Variants in ICA1L observed in about 807,000 individuals in gnomAD.
The protein encoded by ICA1L is islet cell autoantigen 1 like.
ICA1L carries 50 observed loss-of-function variants against 61.3 expected under a neutral mutation model. The observed-to-expected ratio is 0.82, with a 90% CI of 0.65 to 1.03. ICA1L has a LOEUF of 1.03. Among genes scored for constraint, ICA1L ranks in the 50% least tolerant of loss-of-function variants. The pLI is 0.00. For synonymous variants in ICA1L, 161 were observed against 191.3 expected, an observed-to-expected ratio of 0.84 and a Z score of 1.31; for missense variants, 508 against 556.7, an observed-to-expected ratio of 0.91 and a Z score of 0.88.
rs757622471 is a variant in ICA1L, at chr2:202,819,684, G to A, written c.558+17C>T. The A allele has an allele frequency of 6.4e-7, 1 of 1,573,408 alleles. No homozygotes were observed. Among genetic ancestry groups the A allele is most frequent in the East Asian group, 2.2e-5 (1 of 44,656 alleles). ...TATTTCATACACCAAGAAAAGGAAA[G>A]GGATACGTTTTCATACTTTTCTAAA... On this transcript the variant is annotated intron_variant, in intron 5 of 12. Transcript: ENST00000358299.
rs187950123 is a variant in ICA1L at position 202,842,241 on chromosome 2, T to C, written c.-7-13225A>G. Among the ~76,000 whole-genome samples the C allele has an allele frequency of 2.0e-5, 3 of 152,358 alleles. No individual in the cohort carries two copies. The East Asian group carries it at 5.8e-4, about 29-fold the overall frequency. ...ATACTATTATTCTAAATTTGTGTAA[T>C]TGTACCAATGAGTTTTATACTTTTA... is the stretch of plus-strand genomic sequence containing the variant. On this transcript the variant is annotated intron_variant, in intron 1 of 12. Coordinates refer to ENST00000358299, the MANE Select transcript of ICA1L (RefSeq NM_001288622.3).
chr2:202,783,792 A>C (rs1385619408), intron 12 of ICA1L, among the ~76,000 whole-genome samples: 1 of 152,164 alleles, frequency 6.6e-6, no homozygotes, highest in African/African-American at 2.4e-5. Context: ...AATTATGTAA[A>C]AGAATGTCCT....
At chr2:202,805,298 ATAAAT>A (rs1257019623) in intron 9 of ICA1L, among the ~76,000 whole-genome samples, 3 of 152,248 alleles carry the variant, frequency 2.0e-5, no homozygotes, top group African/African-American at 7.2e-5. Context: ...CCACTCAGTA[ATAAAT>A]TAAAAATCAC....
chr2:202,843,040 G>A (rs1694373275), intron 1 of ICA1L, among the ~76,000 whole-genome samples: 2 of 152,008 alleles, frequency 1.3e-5, no homozygotes, highest in South Asian at 2.1e-4. Context: ...TTGTTTTGCT[G>A]ATTTCAGTGA....
intron 3 of ICA1L, 140 bp from the exon 4 acceptor site, chr2:202,821,621 T>G (rs1339004501): frequency 3.5e-6 from 2 of 572,242 alleles, no homozygotes; most frequent in African/African-American, 3.9e-5. Flanking sequence ...ATTTTTTAAA[T>G]GCAATTCCTG....
intron 12 of ICA1L, 127 bp downstream of exon 12, chr2:202,785,790 TA>T (rs1692561625): frequency 1.8e-6 from 1 of 544,466 alleles, no homozygotes; most frequent in Admixed American, 3.4e-5. Flanking sequence ...TTCATTTTAA[TA>T]ATAATCATTA....
chr2:202,824,332 G>A (rs1328395919), intron 3 of ICA1L, among the ~76,000 whole-genome samples: 3 of 151,928 alleles, frequency 2.0e-5, no homozygotes, highest in African/African-American at 2.4e-5. Context: ...CCTGGGAGGC[G>A]GAGGTTGCAG....
chr2:202,809,582 G>A (rs983838673), intron 9 of ICA1L, among the ~76,000 whole-genome samples: 2 of 151,868 alleles, frequency 1.3e-5, no homozygotes, highest in African/African-American at 2.4e-5. Flanking sequence ...CCTGGGAGGC[G>A]GAGGTTGCCA....
Position 202,811,773 on chromosome 2 carries a change from C to G in ICA1L, c.883G>C (p.Glu295Gln). 6.2e-7 allele frequency: 1 copy of G among 1,606,208 alleles called. No individual in the cohort carries two copies. Among genetic ancestry groups the G allele is most frequent in the East Asian group, 2.2e-5 (1 of 44,722 alleles). ...TGTTCACTCTCAAAGCTTGCTTCCT[C>G]ATCAGACAAAACTAGCCTGAAGTAA... is the stretch of plus-strand genomic sequence containing the variant. ...EQLNKLVLSD[E>Q]EASFESEQAN... The change falls in exon 9 of 13, where the codon GAG becomes CAG. Residue 295 changes from glutamate to glutamine, a missense_variant. Coordinates refer to ENST00000358299, the MANE Select transcript of ICA1L (RefSeq NM_001288622.3).
At chr2:202,824,305 G>A (rs1006511301) in intron 3 of ICA1L, among the ~76,000 whole-genome samples, 12 of 152,070 alleles carry the variant, frequency 7.9e-5, no homozygotes, top group African/African-American at 2.9e-4. Context: ...GGAGGCTGAG[G>A]CAGAGAATTG....
In ICA1L at chr2:202,778,332, A is replaced by G. The variant is rs1316453526; in HGVS notation, c.*1201T>C. On this transcript the variant is annotated 3_prime_UTR_variant, in exon 13 of 13. Coordinates refer to ENST00000358299, the MANE Select transcript of ICA1L (RefSeq NM_001288622.3). ...GTGTGTGTACGGTAGCTACGTTTTT[A>G]TCAGCTTACACTAACTTCCATTAAA... 1.3e-5 allele frequency: 2 copies of G among 152,224 alleles called. No homozygotes were observed. Among genetic ancestry groups the G allele is most frequent in the African/African-American group, 2.4e-5 (1 of 41,448 alleles). The allele number at this position is 152,224 out of a possible 1,614,324, so 9.4% of individuals were successfully genotyped here.
chr2:202,809,937 A>G (rs1246925263), intron 9 of ICA1L, among the ~76,000 whole-genome samples: 1 of 152,004 alleles, frequency 6.6e-6, no homozygotes, highest in Non-Finnish European at 1.5e-5. Flanking sequence ...AAAGGGGGTA[A>G]TAACAGAGAA....
chr2:202,840,412 G>C (rs1694292340), intron 1 of ICA1L: 1 of 489,894 alleles, frequency 2.0e-6, no homozygotes, highest in African/African-American at 2.0e-5. Flanking sequence ...TGGCCCTGGT[G>C]AAGCTGGTGT....
chr2:202,860,405 CAG>C (rs1057487053), intron 1 of ICA1L, among the ~76,000 whole-genome samples: 90 of 151,738 alleles, frequency 5.9e-4, no homozygotes, highest in African/African-American at 2.1e-3. Context: ...CATTAAAAAG[CAG>C]AGATTGTAAT....
intron 1 of ICA1L, among the ~76,000 whole-genome samples, chr2:202,856,318 G>A (rs1694769491): frequency 6.6e-6 from 1 of 152,128 alleles, no homozygotes; most frequent in Admixed American, 6.5e-5. Flanking sequence ...TGAAAGGCTG[G>A]TTCACCATAT....
intron 4 of ICA1L, among the ~76,000 whole-genome samples, chr2:202,820,804 A>G (rs1693679644): frequency 6.6e-6 from 1 of 152,242 alleles, no homozygotes; most frequent in Non-Finnish European, 1.5e-5. Context: ...ACTGGACACC[A>G]TCATTATAGG....
At chr2:202,813,215 G>A (rs965101842) in intron 8 of ICA1L, among the ~76,000 whole-genome samples, 1 of 150,310 alleles carries the variant, frequency 6.7e-6, no homozygotes, top group Admixed American at 6.7e-5. Flanking sequence ...AGCTGAGATT[G>A]TGCCACTGCA....
intron 10 of ICA1L, among the ~76,000 whole-genome samples, chr2:202,790,195 T>C (rs1021721194): frequency 9.2e-5 from 14 of 152,096 alleles, no homozygotes; most frequent in African/African-American, 2.9e-4. Context: ...CTTTTGACAA[T>C]AGAATACTTA....
At chr2:202,841,256 G>T (rs1442927325) in intron 1 of ICA1L, 4 of 730,630 alleles carry the variant, frequency 5.5e-6, no homozygotes, top group Non-Finnish European at 1.0e-5. Context: ...ATTTGTTCTT[G>T]AAGTCTTCCA....
Sources: allele counts gnomAD v4.1 joint callset (sites outside exome capture counted in the v4.1 genomes callset), GRCh38; gene constraint gnomAD v4.1.1; transcripts MANE v1.5; gene names NCBI Gene and HGNC (gene_info 2026-07-23, HGNC 2026-07-21).